Variants in KIF26B observed in about 807,000 individuals in gnomAD.
KIF26B encodes kinesin-like protein KIF26B.
In KIF26B, 63 loss-of-function variants were observed where a neutral mutation model predicts 151.2. The ratio of observed to expected loss-of-function variants is 0.42; its 90% CI spans 0.34 to 0.51. The LOEUF (loss-of-function observed/expected upper bound fraction) is 0.51, where lower values mean the gene tolerates loss of function less well. Ranked by LOEUF, KIF26B falls within the 20% of genes least tolerant of loss-of-function variation. KIF26B has a pLI of 0.07. For missense variants in KIF26B, 2,813 were observed against 2,913.6 expected (o/e 0.97, Z 0.79); for synonymous variants, 1,357 against 1,262.1 (o/e 1.08, Z -1.59).
At chr1:245,159,051 C>T (rs1668493086) in intron 2 of KIF26B, among the ~76,000 whole-genome samples, 1 of 152,166 alleles carries the variant, frequency 6.6e-6, no homozygotes, top group African/African-American at 2.4e-5. Context: ...CTGTGGACCA[C>T]TGTAGCCCTC....
intron 2 of KIF26B, among the ~76,000 whole-genome samples, chr1:245,291,313 A>G (rs10924161): frequency 0.48 from 72,566 of 152,070 alleles, 17,590 homozygotes; most frequent in East Asian, 0.65. Context: ...ACAATCTATT[A>G]TTCTTGGCAT....
intron 2 of KIF26B, chr1:245,234,365 C>CA (rs1670062300): frequency 6.6e-6 from 1 of 152,316 alleles, no homozygotes; most frequent in Non-Finnish European, 1.5e-5. Flanking sequence ...ACCTCGCACT[C>CA]ACACTCACAC....
chr1:245,439,315 C>T (rs376699739), intron 4 of KIF26B, among the ~76,000 whole-genome samples: 3 of 140,798 alleles, frequency 2.1e-5, no homozygotes, highest in South Asian at 2.3e-4. Context: ...CCACTGTACT[C>T]GAGCCTGGGC....
rs1558147945 is a variant in KIF26B, at chr1:245,390,942, A to AAAAAAC, written c.999+23580_999+23581insCAAAAA. On this transcript the variant is annotated intron_variant, in intron 3 of 14. Coordinates refer to ENST00000407071, the MANE Select transcript of KIF26B (RefSeq NM_018012.4). ...GTCTCAAAAAAAAAAAAAAAAAAAA[A>AAAAAAC]AAAAAAAAAACCACCATAAAATTTT... Among the ~76,000 whole-genome samples the AAAAAAC allele has an allele frequency of 2.0e-4, 29 of 145,354 alleles. 2 individuals are homozygous for AAAAAAC. The highest frequency in any genetic ancestry group is 7.4e-4 in the African/African-American group (28 of 37,876).
At chr1:245,529,906 A>C (rs1661322600) in intron 4 of KIF26B, among the ~76,000 whole-genome samples, 1 of 152,212 alleles carries the variant, frequency 6.6e-6, no homozygotes. Context: ...ATGGGAGAAA[A>C]TATTTGCAAA....
rs187770200 is a variant in KIF26B at position 245,207,805 on chromosome 1, C to A, written c.465+51122C>A. Among the ~76,000 whole-genome samples the A allele has an allele frequency of 7.4e-4, 113 of 152,322 alleles. 1 individual carries two copies. In the East Asian group the frequency reaches 0.018, roughly 24 times the overall value. ...TACACATCGTTTTTCACACCATCAT[C>A]CTTTTTGGTAAAGAGATGTGTCCAT... On this transcript the variant is annotated intron_variant, in intron 2 of 14. Coordinates refer to ENST00000407071, the MANE Select transcript of KIF26B (RefSeq NM_018012.4).
intron 3 of KIF26B, among the ~76,000 whole-genome samples, chr1:245,414,663 T>G (rs1427177071): frequency 6.6e-6 from 1 of 152,172 alleles, no homozygotes; most frequent in African/African-American, 2.4e-5. Flanking sequence ...CTCTTTGACC[T>G]CAAGACTTGG....
In KIF26B at chr1:245,564,759, T is replaced by G. The variant is rs1190148580; in HGVS notation, c.1350+23809T>G. On this transcript the variant is annotated intron_variant, in intron 5 of 14. Transcript: ENST00000407071. The surrounding 1 kb of genome is among the most constrained non-coding windows in gnomAD (Gnocchi z 4.6). ...AGACAGTTTTCCCACGGACCAAGGG[T>G]GGTGGTGGGGGATGATGATTTCAGG... is the stretch of plus-strand genomic sequence containing the variant. Among the ~76,000 whole-genome samples the G allele has an allele frequency of 6.6e-6, 1 of 151,786 alleles. No individual in the cohort carries two copies. The highest frequency in any genetic ancestry group is 1.5e-5 in the Non-Finnish European group (1 of 67,942).
intron 10 of KIF26B, among the ~76,000 whole-genome samples, chr1:245,669,810 C>T (rs1294060317): frequency 6.6e-6 from 1 of 152,092 alleles, no homozygotes; most frequent in Non-Finnish European, 1.5e-5. Context: ...CATGGTCCAG[C>T]AATTCCATTC....
intron 2 of KIF26B, among the ~76,000 whole-genome samples, chr1:245,263,576 A>C (rs1670690813): frequency 6.6e-6 from 1 of 152,226 alleles, no homozygotes; most frequent in African/African-American, 2.4e-5. Context: ...GAAAGATGAA[A>C]GGCAGCGCCT....
intron 3 of KIF26B, among the ~76,000 whole-genome samples, chr1:245,370,892 G>A (rs141948442): frequency 3.8e-4 from 58 of 152,346 alleles, no homozygotes; most frequent in African/African-American, 1.3e-3. Flanking sequence ...GCTAGGTGGT[G>A]GGTGGGGCCG....
chr1:245,460,391 C>T (rs966859530), intron 4 of KIF26B, among the ~76,000 whole-genome samples: 5 of 152,170 alleles, frequency 3.3e-5, no homozygotes. Context: ...TCAAATCCAG[C>T]CTGGAGTCCC....
At position 245,611,992 on chromosome 1, in the gene KIF26B, C is replaced by A; in HGVS notation, c.2098+16C>A. 6.2e-7 allele frequency: 1 copy of A among 1,608,964 alleles called. No homozygotes were observed. Among genetic ancestry groups the A allele is most frequent in the East Asian group, 2.2e-5 (1 of 44,738 alleles). On this transcript the variant is annotated intron_variant, in intron 9 of 14. Coordinates refer to ENST00000407071, the MANE Select transcript of KIF26B (RefSeq NM_018012.4). ...AAAGGGGGAAGTAAGTCGGCCACTC[C>A]ACCCTCCTGCCTCCTTAGCGGCTCT...
intron 2 of KIF26B, among the ~76,000 whole-genome samples, chr1:245,162,836 T>C (rs1330130356): frequency 6.6e-6 from 1 of 152,198 alleles, no homozygotes; most frequent in Non-Finnish European, 1.5e-5. Context: ...AAATTGGAAA[T>C]GAGTGATTGT....
Position 245,239,083 on chromosome 1 carries a change from G to A in KIF26B, c.465+82400G>A, listed in dbSNP as rs1021267406. Among the ~76,000 whole-genome samples, 3 of 152,068 alleles carry A rather than the reference G, an allele frequency of 2.0e-5. No individual in the cohort carries two copies. The highest frequency in any genetic ancestry group is 2.9e-5 in the Non-Finnish European group (2 of 68,020). ...GCAAGAGTTGTATTTTCTGCCTCAC[G>A]TCGCTGTCCTTCTCCCAGCCCATTC... On this transcript the variant is annotated intron_variant, in intron 2 of 14. Coordinates refer to ENST00000407071, the MANE Select transcript of KIF26B (RefSeq NM_018012.4). This position sits in a 1 kb window ranked among gnomAD's most constrained non-coding sequence, Gnocchi z 4.3.
chr1:245,407,254 A>G (rs985909194), intron 3 of KIF26B, among the ~76,000 whole-genome samples: 8 of 152,046 alleles, frequency 5.3e-5, no homozygotes, highest in African/African-American at 1.9e-4. Context: ...GGGGCCCTTT[A>G]GCCTCTGGGT....
At chr1:245,527,371 CTATATT>C (rs2103094414) in intron 4 of KIF26B, among the ~76,000 whole-genome samples, 2 of 152,056 alleles carry the variant, frequency 1.3e-5, no homozygotes, top group South Asian at 4.2e-4. Flanking sequence ...CTTTCTCTGT[CTATATT>C]TATAGGCAAC....
chr1:245,374,121 A>ATATATATG (rs1673213809), intron 3 of KIF26B, among the ~76,000 whole-genome samples: 2 of 95,138 alleles, frequency 2.1e-5, no homozygotes, highest in African/African-American at 3.9e-5. Flanking sequence ...ATATATATAT[A>ATATATATG]TATATATATA....
chr1:245,292,768 G>A (rs935612991), intron 2 of KIF26B, among the ~76,000 whole-genome samples: 4 of 152,148 alleles, frequency 2.6e-5, no homozygotes. Flanking sequence ...AACCAGATGT[G>A]TATCTGCTAG....
Sources: allele counts gnomAD v4.1 joint callset (sites outside exome capture counted in the v4.1 genomes callset), GRCh38; gene constraint gnomAD v4.1.1; non-coding constraint Gnocchi (gnomAD v3.1); transcripts MANE v1.5; gene names NCBI Gene and HGNC (gene_info 2026-07-23, HGNC 2026-07-21).